The following TM2D2 variants were observed in gnomAD, a reference collection of about 807,000 sequenced individuals.
The protein encoded by TM2D2 is TM2 domain containing 2, also known as TM2 domain-containing protein 2.
In TM2D2, 19 loss-of-function variants were observed where a neutral mutation model predicts 23.0. That is an observed-to-expected ratio of 0.82 (90% CI 0.58 to 1.21). The LOEUF (loss-of-function observed/expected upper bound fraction) is 1.21, where lower values mean the gene tolerates loss of function less well. Ranked by LOEUF, TM2D2 falls within the 50% of genes most tolerant of loss-of-function variation. The pLI, the probability that TM2D2 is intolerant of heterozygous loss-of-function variation, is 0.00. For synonymous variants in TM2D2, 120 were observed against 108.8 expected (o/e 1.10, Z -0.64); for missense variants, 246 against 265.4 (o/e 0.93, Z 0.51).
chr8:38,991,730 T>C (rs1835607605), intron 3 of TM2D2, among the ~76,000 whole-genome samples, 185 bp from the exon 4 acceptor site: 1 of 152,120 alleles, frequency 6.6e-6, no homozygotes, highest in Admixed American at 6.6e-5. Flanking sequence ...CAAAGTTTAT[T>C]ATACTCATAG....
chr8:38,996,756 C>T, upstream of TM2D2: 14 of 1,419,554 alleles, frequency 9.9e-6, no homozygotes, highest in Non-Finnish European at 1.3e-5. Flanking sequence ...TGCCCGGCAG[C>T]CGACGGGGCG....
rs1048541484 is a variant in TM2D2 at position 38,991,905 on chromosome 8, T to G, written c.432-360A>C. Among the ~76,000 whole-genome samples the G allele has an allele frequency of 4.6e-5, 7 of 152,094 alleles. No individual in the cohort carries two copies. In the East Asian group the frequency reaches 9.7e-4, roughly 21 times the overall value. ...GGCGAATAGTTTAGAACTGGCTAGT[T>G]TGAATAACCTCAGCAGGCTCTAAGC... On this transcript the variant is annotated intron_variant, in intron 3 of 3. Coordinates refer to ENST00000456397, the MANE Select transcript of TM2D2 (RefSeq NM_078473.3).
rs183919326 is a variant in TM2D2 at position 38,995,456 on chromosome 8, C to T, written c.228-51G>A. On this transcript the variant is annotated intron_variant, in intron 1 of 3. Coordinates refer to ENST00000456397, the MANE Select transcript of TM2D2 (RefSeq NM_078473.3). ...TCATCATCATACGGTCTTTGCAAATCGCTGTTTGCATGCACGTAATCAAAA... is the reference window on the plus strand; with the variant it reads ...TCATCATCATACGGTCTTTGCAAATTGCTGTTTGCATGCACGTAATCAAAA... 5 of 1,600,052 alleles carry T rather than the reference C, an allele frequency of 3.1e-6. No homozygotes were observed. In the East Asian group the frequency reaches 6.9e-5, roughly 22 times the overall value.
At chr8:38,992,460 T>G (rs1042206714) in intron 3 of TM2D2, among the ~76,000 whole-genome samples, 24 of 150,428 alleles carry the variant, frequency 1.6e-4, no homozygotes, top group African/African-American at 5.9e-4. Context: ...CACTCCAGCC[T>G]GGGCAATGGA....
rs898317818 is a variant in TM2D2, at chr8:38,991,661, A to T, written c.432-116T>A. 3 of 796,666 alleles carry T rather than the reference A, an allele frequency of 3.8e-6. No homozygotes were observed. The African/African-American group carries it at 5.2e-5, about 14-fold the overall frequency. The allele number at this position is 796,666 out of a possible 1,614,324, so 49.3% of individuals were successfully genotyped here. On this transcript the variant is annotated intron_variant, in intron 3 of 3. Transcript: ENST00000456397. ...TGCAGTGGACCCTCTGTGGCCTTTT[A>T]CCCTCCATTTTGTTTTCTTTTATGA...
At chr8:38,991,578 A>G in intron 3 of TM2D2, 33 bp from the exon 4 acceptor site, 1 of 1,529,528 alleles carries the variant, frequency 6.5e-7, no homozygotes. Flanking sequence ...AAGATGTTTT[A>G]CTGCACGAAA....
chr8:38,994,297 C>T (rs1328615533), intron 2 of TM2D2, among the ~76,000 whole-genome samples: 1 of 152,118 alleles, frequency 6.6e-6, no homozygotes, highest in Non-Finnish European at 1.5e-5. Flanking sequence ...GCCAAGAAAT[C>T]ACAGATATTC....
intron 1 of TM2D2, 33 bp from the exon 2 acceptor site, chr8:38,995,438 C>A (rs763957954): frequency 6.2e-7 from 1 of 1,608,308 alleles, no homozygotes; most frequent in Non-Finnish European, 8.5e-7. Context: ...TGATCATCAT[C>A]ATACGGTCTT....
At chr8:38,996,743 G>T, upstream of TM2D2, 1 of 1,419,954 alleles carries the variant, frequency 7.0e-7, no homozygotes, top group Non-Finnish European at 9.2e-7. Context: ...CCCTAGGTGG[G>T]CGTGCCCGGC....
chr8:38,995,987 T>C (rs1835768136), intron 1 of TM2D2, among the ~76,000 whole-genome samples: 2 of 152,206 alleles, frequency 1.3e-5, no homozygotes, highest in Admixed American at 1.3e-4. Context: ...ATGTTACTCC[T>C]ACCCAGTTTT....
At chr8:38,996,973 A>G (rs1190077271), upstream of TM2D2, 5 of 1,507,866 alleles carry the variant, frequency 3.3e-6, no homozygotes, top group East Asian at 9.8e-5. Context: ...CTTCCCGGCC[A>G]GACTTGGGGC....
At chr8:38,991,616 T>C in intron 3 of TM2D2, 71 bp from the exon 4 acceptor site, 2 of 1,194,926 alleles carry the variant, frequency 1.7e-6, no homozygotes, top group Non-Finnish European at 2.4e-6. Context: ...TTAGTGAATT[T>C]AACGTAAGTG....
At position 38,996,475 on chromosome 8, in the gene TM2D2, C is replaced by A. The variant is rs1457283080; in HGVS notation, c.-36G>T. On this transcript the variant is annotated 5_prime_UTR_variant, in exon 1 of 4. Coordinates refer to ENST00000456397, the MANE Select transcript of TM2D2 (RefSeq NM_078473.3). Reference sequence around the variant, plus strand: ...ACAGGAGCGGAGACCCGGCCTCAACCACAACCCCAGGCCAGCAGCACAGAC... The same window carrying A: ...ACAGGAGCGGAGACCCGGCCTCAACAACAACCCCAGGCCAGCAGCACAGAC... 2.5e-6 allele frequency: 4 copies of A among 1,612,486 alleles called. No individual in the cohort carries two copies. In the Admixed American group the frequency reaches 6.7e-5, roughly 27 times the overall value.
intron 3 of TM2D2, 21 bp from the exon 4 acceptor site, chr8:38,991,566 G>T (rs1342450857): frequency 3.2e-6 from 5 of 1,586,126 alleles, no homozygotes; most frequent in African/African-American, 1.3e-5. Context: ...GGAATGAAAA[G>T]GAAGATGTTT....
At chr8:38,991,962 G>C (rs1356344097) in intron 3 of TM2D2, among the ~76,000 whole-genome samples, 1 of 152,148 alleles carries the variant, frequency 6.6e-6, no homozygotes, top group Non-Finnish European at 1.5e-5. Flanking sequence ...CCTGGCACTT[G>C]GACCTGAGAA....
At chr8:38,995,895 C>T (rs1235222497) in intron 1 of TM2D2, 1 of 863,024 alleles carries the variant, frequency 1.2e-6, no homozygotes, top group Non-Finnish European at 1.6e-6. Flanking sequence ...GGCACCGAAT[C>T]GACCGACTAA....
chr8:38,991,645 C>T, intron 3 of TM2D2, 100 bp from the exon 4 acceptor site: 1 of 875,186 alleles, frequency 1.1e-6, no homozygotes, highest in South Asian at 1.5e-5. Context: ...GTGCAGTGGA[C>T]CCTCTGTGGC....
At chr8:38,995,441 AC>A (rs1313807139) in intron 1 of TM2D2, 36 bp from the exon 2 acceptor site, 1 of 1,608,372 alleles carries the variant, frequency 6.2e-7, no homozygotes, top group Non-Finnish European at 8.5e-7. Flanking sequence ...TCATCATCAT[AC>A]GGTCTTTGCA....
intron 2 of TM2D2, 36 bp downstream of exon 2, chr8:38,995,282 C>G (rs759514309): frequency 1.4e-6 from 2 of 1,423,126 alleles, no homozygotes; most frequent in Non-Finnish European, 9.5e-7. Flanking sequence ...ATTTCGTTAT[C>G]GAAGGGTTTG....
Sources: gnomAD v4.1 joint callset for allele counts (sites outside exome capture counted in the v4.1 genomes callset) on GRCh38, gnomAD v4.1.1 for gene constraint, MANE v1.5 for transcripts, NCBI Gene and HGNC (gene_info 2026-07-23, HGNC 2026-07-21) for gene names.